PIK3CB: variants seen among roughly 807,000 people sequenced by gnomAD.
PIK3CB encodes the protein phosphatidylinositol 4,5-bisphosphate 3-kinase catalytic subunit beta isoform.
In PIK3CB, 39 loss-of-function variants were observed where a neutral mutation model predicts 136.8. The ratio of observed to expected loss-of-function variants is 0.29; its 90% CI spans 0.22 to 0.37. PIK3CB has a LOEUF of 0.37. Among genes scored for constraint, PIK3CB ranks in the 10% least tolerant of loss-of-function variants. The probability of loss-of-function intolerance (pLI) is 1.00; values close to 1 mark genes in which losing one functional copy is unlikely to be tolerated. For synonymous variants in PIK3CB, 428 were observed against 436.6 expected (o/e 0.98, Z 0.25); for missense variants, 868 against 1,275.4 (o/e 0.68, Z 4.87).
At chr3:138,785,380 G>T (rs2045970338) in intron 2 of PIK3CB, among the ~76,000 whole-genome samples, 1 of 152,202 alleles carries the variant, frequency 6.6e-6, no homozygotes, top group Admixed American at 6.5e-5. Flanking sequence ...GAATAGAAAA[G>T]GGGGAAATGT....
intron 1 of PIK3CB, among the ~76,000 whole-genome samples, chr3:138,821,484 G>T (rs1013302925): frequency 1.3e-5 from 2 of 151,626 alleles, no homozygotes; most frequent in African/African-American, 4.8e-5. Flanking sequence ...AAGCTCCTCA[G>T]TTAGAAAAAA....
At chr3:138,733,885 AAATT>A (rs201377259) in intron 7 of PIK3CB, among the ~76,000 whole-genome samples, 4,569 of 152,168 alleles carry the variant, frequency 0.03, 233 homozygotes, top group African/African-American at 0.11. Context: ...CTCAAAAAAA[AAATT>A]AATTAATTAA....
At chr3:138,719,418 G>A (rs545058045) in intron 8 of PIK3CB, among the ~76,000 whole-genome samples, 92 of 151,602 alleles carry the variant, frequency 6.1e-4, no homozygotes, top group African/African-American at 2.2e-3. Context: ...GCTAATTTTT[G>A]TATTTTTAGT....
chr3:138,697,542 C>G (rs2044164066), intron 13 of PIK3CB, among the ~76,000 whole-genome samples: 2 of 152,050 alleles, frequency 1.3e-5, no homozygotes, highest in Non-Finnish European at 2.9e-5. Flanking sequence ...CTCGAATGAT[C>G]CTCCTGTCCC....
At chr3:138,731,059 T>A (rs558903039) in intron 8 of PIK3CB, among the ~76,000 whole-genome samples, 2 of 152,280 alleles carry the variant, frequency 1.3e-5, no homozygotes, top group South Asian at 4.1e-4. Context: ...CATAGTATCA[T>A]CCCTTTATTA....
At chr3:138,662,817 G>C (rs1559797094) in intron 21 of PIK3CB, among the ~76,000 whole-genome samples, 1 of 152,186 alleles carries the variant, frequency 6.6e-6, no homozygotes, top group Non-Finnish European at 1.5e-5. Context: ...ACTGGTGTGA[G>C]ATGGTATCCC....
chr3:138,749,477 TC>T (rs1706794467), intron 4 of PIK3CB, among the ~76,000 whole-genome samples: 1 of 152,188 alleles, frequency 6.6e-6, no homozygotes, highest in Non-Finnish European at 1.5e-5. Flanking sequence ...ATCACGTTAC[TC>T]CCCTACCTAT....
intron 4 of PIK3CB, among the ~76,000 whole-genome samples, chr3:138,745,029 G>A (rs1414163403): frequency 6.6e-6 from 1 of 152,142 alleles, no homozygotes; most frequent in East Asian, 1.9e-4. Context: ...ACAATATCGG[G>A]ACAGAGATTT....
intron 2 of PIK3CB, among the ~76,000 whole-genome samples, chr3:138,773,742 A>T (rs2045826646): frequency 6.6e-6 from 1 of 152,142 alleles, no homozygotes; most frequent in South Asian, 2.1e-4. Context: ...GACCGTGTTT[A>T]CCCCTAACAT....
intron 4 of PIK3CB, among the ~76,000 whole-genome samples, chr3:138,752,914 A>AT: frequency 6.6e-6 from 1 of 152,200 alleles, no homozygotes; most frequent in Non-Finnish European, 1.5e-5. Context: ...TATTTGCCAC[A>AT]TTTGGCAGGC....
rs139492994 is a variant in PIK3CB, at chr3:138,771,659, T to C, written c.-16-12300A>G. Reference sequence around the variant, plus strand: ...CATATCATTTATAATAAAATGACATTTAAACTTATCCTCTCAAATCAAAGA... The same window carrying C: ...CATATCATTTATAATAAAATGACATCTAAACTTATCCTCTCAAATCAAAGA... On this transcript the variant is annotated intron_variant, in intron 2 of 23. Coordinates refer to ENST00000674063, the MANE Select transcript of PIK3CB (RefSeq NM_006219.3). Among the ~76,000 whole-genome samples, 1,236 of 152,258 alleles carry C rather than the reference T, an allele frequency of 8.1e-3. 15 individuals carry two copies. Among genetic ancestry groups the C allele is most frequent in the Non-Finnish European group, 9.0e-3 (611 of 68,022 alleles).
chr3:138,734,805 C>T lies in PIK3CB; in HGVS notation c.802-1G>A. On this transcript the variant is annotated splice_acceptor_variant, in intron 6 of 23. Coordinates refer to ENST00000674063, the MANE Select transcript of PIK3CB (RefSeq NM_006219.3). LOFTEE classifies it high-confidence loss of function. ...TGTTCATCACACAGTTCCGGATATA[C>T]TATAGGGGCAAGAAAGGGGAAGGTA... 1.9e-6 allele frequency: 3 copies of T among 1,584,784 alleles called. No homozygotes were observed. The highest frequency in any genetic ancestry group is 2.6e-6 in the Non-Finnish European group (3 of 1,164,964).
At chr3:138,733,842 C>T (rs2045043822) in intron 7 of PIK3CB, among the ~76,000 whole-genome samples, 1 of 152,016 alleles carries the variant, frequency 6.6e-6, no homozygotes, top group Admixed American at 6.5e-5. Context: ...TGCGCCACTG[C>T]ACTCCAGCCT....
At chr3:138,657,586 A>T in intron 22 of PIK3CB, 104 bp downstream of exon 22, 1 of 1,019,256 alleles carries the variant, frequency 9.8e-7, no homozygotes, top group East Asian at 2.6e-5. Flanking sequence ...ATCAGACTGA[A>T]TATCTCCCAG....
chr3:138,821,257 T>C (rs1277866428), intron 1 of PIK3CB, among the ~76,000 whole-genome samples: 1 of 150,304 alleles, frequency 6.7e-6, no homozygotes, highest in Non-Finnish European at 1.5e-5. Flanking sequence ...GCACTCCAGC[T>C]TGGCGACAGA....
intron 21 of PIK3CB, among the ~76,000 whole-genome samples, chr3:138,658,625 ATTC>A (rs1425191223): frequency 6.6e-6 from 1 of 152,154 alleles, no homozygotes; most frequent in Non-Finnish European, 1.5e-5. Context: ...GTATATTACT[ATTC>A]TTATTATGGA....
rs776881626 is a variant in PIK3CB, at chr3:138,772,783, C to CTT, written c.-16-13426_-16-13425dup. ...GCCAAAGCACCCGGCTATTTATTCT[C>CTT]TTTTTTTTTTTTTTTTTTTTGAGAT... On this transcript the variant is annotated intron_variant, in intron 2 of 23. Coordinates refer to ENST00000674063, the MANE Select transcript of PIK3CB (RefSeq NM_006219.3). 8.9e-3 allele frequency among the ~76,000 whole-genome samples: 1,004 copies of CTT among 112,184 alleles called. 41 individuals carry two copies. The highest frequency in any genetic ancestry group is 0.028 in the African/African-American group (789 of 27,694). The allele number at this position is 112,184 out of a possible 152,430, so 73.6% of individuals were successfully genotyped here. A position where few individuals can be genotyped will look rare whatever the true frequency, so the allele number is the denominator to read the frequency against.
At chr3:138,715,244 A>G (rs1402401485) in intron 8 of PIK3CB, among the ~76,000 whole-genome samples, 1 of 152,234 alleles carries the variant, frequency 6.6e-6, no homozygotes, top group Non-Finnish European at 1.5e-5. Context: ...TGATTATCCT[A>G]TATATCACGG....
At chr3:138,690,920 A>G (rs2043994573) in intron 15 of PIK3CB, 80 bp downstream of exon 15, 1 of 1,136,054 alleles carries the variant, frequency 8.8e-7, no homozygotes, top group African/African-American at 1.6e-5. Flanking sequence ...TAAAGCAGCT[A>G]TTTTTCTATT....
Sources: allele counts gnomAD v4.1 joint callset (sites outside exome capture counted in the v4.1 genomes callset), GRCh38; gene constraint gnomAD v4.1.1; transcripts MANE v1.5; gene names NCBI Gene and HGNC (gene_info 2026-07-23, HGNC 2026-07-21).